Variants in IRAG2 observed in about 807,000 individuals in gnomAD.
IRAG2 encodes inositol 1,4,5-triphosphate receptor associated 2.
Under a neutral mutation model 69.9 loss-of-function variants are expected in IRAG2, and 45 were observed. The ratio of observed to expected loss-of-function variants is 0.64; its 90% CI spans 0.51 to 0.83. IRAG2 has a LOEUF of 0.83. Ranked by LOEUF, IRAG2 falls within the 40% of genes least tolerant of loss-of-function variation. The pLI is 0.00. For missense variants in IRAG2, 520 were observed against 587.0 expected, an observed-to-expected ratio of 0.89 and a Z score of 1.18; for synonymous variants, 193 against 202.4, an observed-to-expected ratio of 0.95 and a Z score of 0.40.
At chr12:25,053,048 T>C in intron 1 of IRAG2, 92 bp downstream of exon 1, 1 of 397,256 alleles carries the variant, frequency 2.5e-6, no homozygotes, top group Non-Finnish European at 4.4e-6. Context: ...ACAGCTAGGA[T>C]ATTATTCCTG....
intron 3 of IRAG2, among the ~76,000 whole-genome samples, chr12:25,014,033 C>A (rs1188639028): frequency 2.0e-5 from 3 of 151,116 alleles, no homozygotes; most frequent in African/African-American, 7.3e-5. Context: ...TGCCACCATG[C>A]CCAGCTAATT....
chr12:25,053,063 T>C (rs1341398953), intron 1 of IRAG2, 107 bp downstream of exon 1: 1 of 396,666 alleles, frequency 2.5e-6, no homozygotes, highest in Non-Finnish European at 4.4e-6. Context: ...TTCCTGAGTT[T>C]ATGACAATGA....
In IRAG2 at chr12:25,079,731, C is replaced by T. The variant is rs770506173; in HGVS notation, c.212C>T (p.Thr71Ile). Reference protein sequence around the residue: ...RNSLCKKEEDTRSASPTIEAQ... With the variant: ...RNSLCKKEEDIRSASPTIEAQ... ...TCGCTCTGTAAGAAAGAGGAGGATA[C>T]AAGATCAGCTTCTCCCACGATAGAG... The change falls in exon 9 of 22, where the codon ACA becomes ATA. Residue 71 changes from threonine to isoleucine, a missense_variant. Coordinates refer to ENST00000556887, the MANE Select transcript of IRAG2 (RefSeq NM_001366544.2). 3.1e-6 allele frequency: 5 copies of T among 1,613,718 alleles called. No homozygotes were observed. The African/African-American group carries it at 5.3e-5, about 17-fold the overall frequency.
Position 25,089,899 on chromosome 12 carries a change from C to T in IRAG2, c.465+109C>T, listed in dbSNP as rs16928457. The stretch of plus-strand genomic sequence containing the variant: ...TCTCATATGCTCGGTGTCTGTTTGG[C>T]TTGGCTGTGACTCAGTGCAGGTGAA... On this transcript the variant is annotated intron_variant, in intron 13 of 21. Transcript: ENST00000556887. 2,964 of 1,339,212 alleles carry T rather than the reference C, an allele frequency of 2.2e-3. 39 individuals are homozygous for T. The African/African-American group carries it at 0.037, about 17-fold the overall frequency. The allele number at this position is 1,339,212 out of a possible 1,614,324, so 83.0% of individuals were successfully genotyped here. A position where few individuals can be genotyped will look rare whatever the true frequency, so the allele number is the denominator to read the frequency against.
At chr12:25,015,088 GAAAAAAA>G in intron 3 of IRAG2, 623 of 50,898 alleles carry the variant, frequency 0.012, 9 homozygotes, top group African/African-American at 0.04. Context: ...GCATAAATCT[GAAAAAAA>G]AAAAAAAAAA....
chr12:25,076,226 G>A (rs1393105789), intron 6 of IRAG2, among the ~76,000 whole-genome samples: 1 of 152,180 alleles, frequency 6.6e-6, no homozygotes, highest in Non-Finnish European at 1.5e-5. Flanking sequence ...AGTGCTTTGA[G>A]AATAACATCC....
intron 3 of IRAG2, among the ~76,000 whole-genome samples, chr12:25,015,025 T>A (rs2139826169): frequency 7.6e-6 from 1 of 131,782 alleles, no homozygotes; most frequent in African/African-American, 2.8e-5. Flanking sequence ...AGTTGTTGAA[T>A]GAATATATAT....
chr12:25,026,615 G>C (rs990197845), intron 8 of IRAG2, among the ~76,000 whole-genome samples: 5 of 152,166 alleles, frequency 3.3e-5, no homozygotes, highest in African/African-American at 1.2e-4. Context: ...GGGCTGCAGT[G>C]ACTGGTAATA....
chr12:25,090,168 G>T lies in IRAG2; in HGVS notation c.577G>T (p.Glu193Ter). The T allele has an allele frequency of 3.1e-6, 5 of 1,613,870 alleles. No homozygotes were observed. The highest frequency in any genetic ancestry group is 1.7e-5 in the Admixed American group (1 of 60,008). ...RDLAEENLKK[E>*]ITNCLKLLES... is the part of the protein sequence containing the mutation. ...CTTGGCAGAAGAAAATTTGAAGAAA[G>T]AAATCACTAACTGTTTAAAACTATT... The change falls in exon 14 of 22, where the codon GAA becomes TAA. Residue 193 changes from glutamate (E) to a stop codon, truncating the protein, a stop_gained. Coordinates refer to ENST00000556887, the MANE Select transcript of IRAG2 (RefSeq NM_001366544.2). LOFTEE classifies it high-confidence loss of function.
At chr12:25,036,940 T>C (rs995227691) in intron 15 of IRAG2, among the ~76,000 whole-genome samples, 1 of 151,928 alleles carries the variant, frequency 6.6e-6, no homozygotes, top group Non-Finnish European at 1.5e-5. Context: ...ATGAAAAAAA[T>C]GCATTTATCT....
exon 4 of IRAG2, chr12:25,015,189 G>C (rs1944516568): frequency 2.6e-6 from 3 of 1,152,026 alleles, no homozygotes; most frequent in Admixed American, 9.6e-5. Flanking sequence ...CAGGGAAGGA[G>C]TGAATCATAG....
intron 15 of IRAG2, among the ~76,000 whole-genome samples, chr12:25,100,000 G>GAAAAAAAAAAAAAAAAAAAA (rs56728551): frequency 1.2e-4 from 3 of 25,674 alleles, no homozygotes; most frequent in Non-Finnish European, 1.1e-4. Flanking sequence ...GACTCCATCT[G>GAAAAAAAAAAAAAAAAAAAA]AAAAAAAAAA....
intron 3 of IRAG2, among the ~76,000 whole-genome samples, chr12:25,014,170 C>T (rs1033911779): frequency 7.9e-5 from 12 of 151,350 alleles, no homozygotes; most frequent in Non-Finnish European, 1.5e-4. Flanking sequence ...CCACCAGGCC[C>T]GGCCTAATTT....
intron 2 of IRAG2, among the ~76,000 whole-genome samples, chr12:25,008,323 T>G (rs1402339913): frequency 6.6e-6 from 1 of 152,160 alleles, no homozygotes; most frequent in African/African-American, 2.4e-5. Context: ...AAATTGGGGC[T>G]GGGTGGGGTG....
At chr12:25,003,384 T>C (rs1396999682), upstream of IRAG2, among the ~76,000 whole-genome samples, 1 of 152,170 alleles carries the variant, frequency 6.6e-6, no homozygotes, top group African/African-American at 2.4e-5. Flanking sequence ...CATCCCTCTG[T>C]TGCCCAGGCT....
At chr12:25,029,471 G>A (rs1423831502) in intron 9 of IRAG2, among the ~76,000 whole-genome samples, 5 of 152,166 alleles carry the variant, frequency 3.3e-5, no homozygotes, top group Admixed American at 3.3e-4. Flanking sequence ...TATATCCAGT[G>A]TATAAGATTA....
At chr12:25,005,413 T>C (rs748407770) in intron 2 of IRAG2, 4 of 707,014 alleles carry the variant, frequency 5.7e-6, no homozygotes, top group East Asian at 3.4e-5. Flanking sequence ...ATCTGAACTT[T>C]CTATTGTGAG....
At chr12:25,057,466 C>G (rs1474542053) in intron 1 of IRAG2, among the ~76,000 whole-genome samples, 1 of 151,216 alleles carries the variant, frequency 6.6e-6, no homozygotes, top group African/African-American at 2.4e-5. Context: ...GCAGTGTTGC[C>G]TAGGCTGGTC....
intron 6 of IRAG2, among the ~76,000 whole-genome samples, chr12:25,020,493 G>A (rs1171217757): frequency 2.0e-5 from 3 of 152,068 alleles, no homozygotes; most frequent in African/African-American, 7.2e-5. Flanking sequence ...CTTAGTAGGG[G>A]GAAAGAACCA....
Sources: gnomAD v4.1 joint callset for allele counts (sites outside exome capture counted in the v4.1 genomes callset) on GRCh38, gnomAD v4.1.1 for gene constraint, MANE v1.5 for transcripts, NCBI Gene and HGNC (gene_info 2026-07-23, HGNC 2026-07-21) for gene names.